Variants in ACER3 observed in about 807,000 individuals in gnomAD.
The protein encoded by ACER3 is alkaline ceramidase 3.
A neutral mutation model predicts 48.9 loss-of-function variants in ACER3; 16 were observed. The observed-to-expected ratio is 0.33, with a 90% CI of 0.22 to 0.50. The LOEUF (loss-of-function observed/expected upper bound fraction) is 0.50, where lower values mean the gene tolerates loss of function less well. Among genes scored for constraint, ACER3 ranks in the 20% least tolerant of loss-of-function variants. ACER3 has a pLI of 0.98. For missense variants in ACER3, 227 were observed against 326.0 expected (o/e 0.70, Z 2.34); for synonymous variants, 109 against 107.8 (o/e 1.01, Z -0.07).
At chr11:76,877,102 C>T (rs1426202524) in intron 1 of ACER3, among the ~76,000 whole-genome samples, 2 of 151,986 alleles carry the variant, frequency 1.3e-5, no homozygotes, top group African/African-American at 4.8e-5. Flanking sequence ...CTGAAGATTT[C>T]AAAAAATTTT....
chr11:76,880,507 T>C (rs1271863476), intron 1 of ACER3, among the ~76,000 whole-genome samples: 1 of 152,222 alleles, frequency 6.6e-6, no homozygotes, highest in African/African-American at 2.4e-5. Context: ...CACAAGACCG[T>C]CCTCCACTTC....
At chr11:76,999,327 G>A (rs1363182690) in intron 7 of ACER3, among the ~76,000 whole-genome samples, 2 of 151,262 alleles carry the variant, frequency 1.3e-5, no homozygotes, top group East Asian at 3.9e-4. Flanking sequence ...CTTAAATAGG[G>A]CCTGGCCACA....
In ACER3 at chr11:76,997,906, ATTAC is replaced by A. The variant is rs201932556; in HGVS notation, c.439-853_439-850del. Among the ~76,000 whole-genome samples, 1,358 of 152,352 alleles carry A rather than the reference ATTAC, an allele frequency of 8.9e-3. 11 individuals are homozygous for A. The highest frequency in any genetic ancestry group is 0.037 in the Middle Eastern group (11 of 294). ...TAACTCAAAAGCAAACAGTATTATTATTACTTAGGAATGCATTTGTAGATGACTA... is the reference window on the plus strand; with the variant it reads ...TAACTCAAAAGCAAACAGTATTATTATTAGGAATGCATTTGTAGATGACTA... On this transcript the variant is annotated intron_variant, in intron 6 of 10. Coordinates refer to ENST00000532485, the MANE Select transcript of ACER3 (RefSeq NM_018367.7).
rs182187827 is a variant in ACER3, at chr11:76,959,796, C to T, written c.267+765C>T. Among the ~76,000 whole-genome samples, 426 of 152,064 alleles carry T rather than the reference C, an allele frequency of 2.8e-3. 3 individuals carry two copies. Among genetic ancestry groups the T allele is most frequent in the African/African-American group, 9.9e-3 (412 of 41,486 alleles). On this transcript the variant is annotated intron_variant, in intron 3 of 10. Coordinates refer to ENST00000532485, the MANE Select transcript of ACER3 (RefSeq NM_018367.7). ...CTCGAACTCCTGACCTCAGGTGATC[C>T]GCCTGCCTCAGCCTCCCAAAATGCT... is the stretch of plus-strand genomic sequence containing the variant.
In ACER3 at chr11:76,997,102, T is replaced by A. The variant is rs1423202185; in HGVS notation, c.439-1661T>A. 7.9e-5 allele frequency among the ~76,000 whole-genome samples: 12 copies of A among 152,314 alleles called. No homozygotes were observed. In the East Asian group the frequency reaches 2.1e-3, roughly 27 times the overall value. On this transcript the variant is annotated intron_variant, in intron 6 of 10. Transcript: ENST00000532485. ...ATTTGACCTCTGGTCTCTGACTCCA[T>A]TTTTCCTATTCTATATTCCAACAAT...
At chr11:76,971,084 A>G (rs994030157) in intron 3 of ACER3, among the ~76,000 whole-genome samples, 1 of 152,216 alleles carries the variant, frequency 6.6e-6, no homozygotes, top group African/African-American at 2.4e-5. Context: ...TTGTATGGAT[A>G]TGCCATATTC....
intron 7 of ACER3, among the ~76,000 whole-genome samples, chr11:77,005,991 A>ATTT (rs1228374444): frequency 1.8e-4 from 18 of 100,876 alleles, no homozygotes; most frequent in African/African-American, 6.7e-4. Flanking sequence ...ATATATATAT[A>ATTT]TTTTTTTTTT....
intron 2 of ACER3, among the ~76,000 whole-genome samples, chr11:76,942,122 C>T (rs1341342892): frequency 6.6e-6 from 1 of 151,982 alleles, no homozygotes; most frequent in Admixed American, 6.6e-5. Flanking sequence ...AACAGGGCTA[C>T]TTTGACTTCT....
chr11:77,021,341 C>T lies in ACER3; in HGVS notation c.*1014C>T, dbSNP rs1949469350. Reference sequence around the variant, plus strand: ...TACATAAAGCATATTAAAATATCTGCTCCTTAATTTTCTGAAGGAAATAGA... The same window carrying T: ...TACATAAAGCATATTAAAATATCTGTTCCTTAATTTTCTGAAGGAAATAGA... On this transcript the variant is annotated 3_prime_UTR_variant, in exon 11 of 11. Coordinates refer to ENST00000532485, the MANE Select transcript of ACER3 (RefSeq NM_018367.7). The T allele has an allele frequency of 6.6e-6, 1 of 152,158 alleles. No homozygotes were observed. Among genetic ancestry groups the T allele is most frequent in the Admixed American group, 6.5e-5 (1 of 15,274 alleles). The allele number at this position is 152,158 out of a possible 1,614,324, so 9.4% of individuals were successfully genotyped here.
At position 77,014,284 on chromosome 11, in the gene ACER3, C is replaced by T. The variant is rs140522558; in HGVS notation, c.498-732C>T. On this transcript the variant is annotated intron_variant, in intron 7 of 10. Transcript: ENST00000532485. ...TGTGTGTGGTATGTGTGTGCATGCG[C>T]ACCCATCCACAATACCTCCGTATCA... is the stretch of plus-strand genomic sequence containing the variant. Among the ~76,000 whole-genome samples, 34 of 152,292 alleles carry T rather than the reference C, an allele frequency of 2.2e-4. No homozygotes were observed. The East Asian group carries it at 5.0e-3, about 22-fold the overall frequency.
In ACER3 at chr11:77,024,351, G is replaced by A. The variant is rs1338689677; in HGVS notation, c.*4024G>A. The stretch of plus-strand genomic sequence containing the variant: ...ATCTAACTACGTAATTGCTACATGG[G>A]GGAGCTGCTGGTGTTGTTGAGGTCC... On this transcript the variant is annotated 3_prime_UTR_variant, in exon 11 of 11. Coordinates refer to ENST00000532485, the MANE Select transcript of ACER3 (RefSeq NM_018367.7). The A allele has an allele frequency of 6.7e-6, 1 of 150,252 alleles. No homozygotes were observed. The highest frequency in any genetic ancestry group is 1.5e-5 in the Non-Finnish European group (1 of 67,722). 9.3% of individuals were successfully genotyped at this position (150,252 alleles called of 1,614,324 possible).
intron 3 of ACER3, among the ~76,000 whole-genome samples, chr11:76,966,424 T>C (rs1362265862): frequency 2.0e-5 from 3 of 149,796 alleles, no homozygotes; most frequent in African/African-American, 7.5e-5. Context: ...AACAAGGATA[T>C]CCAGGAATTG....
intron 4 of ACER3, among the ~76,000 whole-genome samples, chr11:76,979,751 C>G (rs965540209): frequency 3.9e-5 from 6 of 152,054 alleles, no homozygotes; most frequent in African/African-American, 1.4e-4. Context: ...GTCTCTGTTG[C>G]AGCTCTTCAA....
intron 1 of ACER3, among the ~76,000 whole-genome samples, chr11:76,878,319 G>A (rs568167797): frequency 6.6e-6 from 1 of 151,984 alleles, no homozygotes; most frequent in South Asian, 2.1e-4. Flanking sequence ...TGACCTAATA[G>A]AAATTCTCGA....
intron 3 of ACER3, among the ~76,000 whole-genome samples, chr11:76,965,574 C>T (rs564999017): frequency 4.0e-5 from 6 of 151,430 alleles, no homozygotes; most frequent in Admixed American, 1.3e-4. Context: ...TAGGGTTACC[C>T]ACAAAGGGAA....
At chr11:76,930,889 G>A (rs1403776941) in intron 2 of ACER3, among the ~76,000 whole-genome samples, 1 of 151,942 alleles carries the variant, frequency 6.6e-6, no homozygotes, top group Non-Finnish European at 1.5e-5. Context: ...TTCCAACTAT[G>A]TGGTCAATTT....
intron 1 of ACER3, among the ~76,000 whole-genome samples, chr11:76,898,859 C>G (rs1053673670): frequency 7.3e-6 from 1 of 136,388 alleles, no homozygotes; most frequent in Non-Finnish European, 1.5e-5. Flanking sequence ...AGCCGAGATC[C>G]CGCCACTGCA....
intron 1 of ACER3, among the ~76,000 whole-genome samples, chr11:76,916,802 GTTAC>G (rs1373211225): frequency 6.6e-6 from 1 of 152,182 alleles, no homozygotes; most frequent in Non-Finnish European, 1.5e-5. Context: ...TCAAGACCCT[GTTAC>G]TTACCTTGTT....
At position 76,971,547 on chromosome 11, in the gene ACER3, GA is replaced by G. The variant is rs545904867; in HGVS notation, c.268-4733del. ...AGTGAGACTCCATCTCAAAAAAAAA[GA>G]AAAAAAAACCGATAATAGATTAACA... On this transcript the variant is annotated intron_variant, in intron 3 of 10. Coordinates refer to ENST00000532485, the MANE Select transcript of ACER3 (RefSeq NM_018367.7). Among the ~76,000 whole-genome samples, 443 of 148,268 alleles carry G rather than the reference GA, an allele frequency of 3.0e-3. 5 individuals carry two copies. Among genetic ancestry groups the G allele is most frequent in the African/African-American group, 0.01 (418 of 40,062 alleles).
Sources: gnomAD v4.1 joint callset for allele counts (sites outside exome capture counted in the v4.1 genomes callset) on GRCh38, gnomAD v4.1.1 for gene constraint, MANE v1.5 for transcripts, NCBI Gene and HGNC (gene_info 2026-07-23, HGNC 2026-07-21) for gene names.